The following TMEM232 variants were observed in gnomAD, a reference collection of about 807,000 sequenced individuals.
TMEM232 encodes the protein transmembrane protein 232.
TMEM232 carries 80 observed loss-of-function variants against 78.8 expected under a neutral mutation model. That is an observed-to-expected ratio of 1.01 (90% CI 0.85 to 1.22). The LOEUF (loss-of-function observed/expected upper bound fraction) is 1.22. Among genes scored for constraint, TMEM232 ranks in the 50% most tolerant of loss-of-function variants. The pLI is 0.00. For synonymous variants in TMEM232, 297 were observed against 254.3 expected, an observed-to-expected ratio of 1.17 and a Z score of -1.60; for missense variants, 881 against 742.2, an observed-to-expected ratio of 1.19 and a Z score of -2.17.
intron 1 of TMEM232, among the ~76,000 whole-genome samples, chr5:110,683,309 T>A (rs75159502): frequency 0.049 from 7,380 of 152,034 alleles, 356 homozygotes; most frequent in East Asian, 0.22. Flanking sequence ...TATAATAAAA[T>A]ACTGAAAGTA....
chr5:110,583,894 A>T (rs1006922908), intron 10 of TMEM232, among the ~76,000 whole-genome samples: 1 of 151,362 alleles, frequency 6.6e-6, no homozygotes, highest in African/African-American at 2.4e-5. Flanking sequence ...GCTCAATATC[A>T]CTAATTATCA....
At chr5:110,643,861 C>G (rs1177989330) in intron 2 of TMEM232, among the ~76,000 whole-genome samples, 1 of 151,902 alleles carries the variant, frequency 6.6e-6, no homozygotes, top group African/African-American at 2.4e-5. Context: ...AAACTGGAAT[C>G]AAATATAAGA....
intron 10 of TMEM232, among the ~76,000 whole-genome samples, chr5:110,573,030 T>A (rs116055671): frequency 3.4e-4 from 52 of 152,118 alleles, no homozygotes; most frequent in African/African-American, 1.2e-3. Context: ...AGAGAAAATA[T>A]GTCTGTGTCT....
At chr5:110,678,739 T>C (rs565279158) in intron 1 of TMEM232, among the ~76,000 whole-genome samples, 67 of 152,234 alleles carry the variant, frequency 4.4e-4, no homozygotes, top group African/African-American at 1.3e-3. Context: ...GTCTGTAGTT[T>C]TGCCTTTTCC....
intron 12 of TMEM232, among the ~76,000 whole-genome samples, chr5:110,443,079 G>A (rs1379311829): frequency 6.6e-6 from 1 of 152,130 alleles, no homozygotes; most frequent in African/African-American, 2.4e-5. Context: ...TGTAACCGCT[G>A]CCTGGCTACC....
intron 8 of TMEM232, among the ~76,000 whole-genome samples, chr5:110,617,678 G>A (rs532267816): frequency 3.4e-4 from 52 of 152,138 alleles, no homozygotes; most frequent in African/African-American, 1.2e-3. Context: ...ATTTTTGGCT[G>A]GGAGCAGTGG....
rs150360008 is a variant in TMEM232 at position 110,407,837 on chromosome 5, A to G, written n.309-9983T>C. Among the ~76,000 whole-genome samples, 210 of 152,286 alleles carry G rather than the reference A, an allele frequency of 1.4e-3. 4 individuals carry two copies. Among genetic ancestry groups the G allele is most frequent in the African/African-American group, 4.4e-3 (183 of 41,552 alleles). ...ATATCAAGTATTATCTCTGACCACA[A>G]TGGAATAAAATTAGCCATCAAAAAA... is the stretch of plus-strand genomic sequence containing the variant. On this transcript the variant is annotated intron_variant and non_coding_transcript_variant, in intron 2 of 8. Transcript: ENST00000507188.
chr5:110,518,429 C>T (rs538306605), intron 12 of TMEM232, among the ~76,000 whole-genome samples: 1 of 152,238 alleles, frequency 6.6e-6, no homozygotes, highest in African/African-American at 2.4e-5. Context: ...ACTCTACATT[C>T]CAATACCCAG....
intron 1 of TMEM232, among the ~76,000 whole-genome samples, chr5:110,710,942 G>T (rs796980349): frequency 6.6e-6 from 1 of 152,042 alleles, no homozygotes; most frequent in Non-Finnish European, 1.5e-5. Flanking sequence ...AAGAAACAAA[G>T]GGCATCCAAA....
At chr5:110,648,351 T>C (rs911952083) in intron 2 of TMEM232, among the ~76,000 whole-genome samples, 3 of 152,082 alleles carry the variant, frequency 2.0e-5, no homozygotes, top group Non-Finnish European at 4.4e-5. Flanking sequence ...GGATGTTTTC[T>C]ATCAAGATTC....
At chr5:110,598,508 T>C (rs1052935989) in intron 10 of TMEM232, among the ~76,000 whole-genome samples, 1 of 152,142 alleles carries the variant, frequency 6.6e-6, no homozygotes, top group Non-Finnish European at 1.5e-5. Flanking sequence ...ATCCCATTAC[T>C]GGATATATAC....
chr5:110,477,483 AATT>A (rs1306869153), intron 12 of TMEM232, among the ~76,000 whole-genome samples: 16 of 152,006 alleles, frequency 1.1e-4, no homozygotes, highest in East Asian at 9.6e-4. Context: ...AATTATATGT[AATT>A]ATTATGTTTT....
chr5:110,733,256 T>A (rs1798845082), intron 2 of TMEM232, among the ~76,000 whole-genome samples: 1 of 152,164 alleles, frequency 6.6e-6, no homozygotes, highest in African/African-American at 2.4e-5. Flanking sequence ...GAGTGTAAAT[T>A]AGTTCAACCA....
chr5:110,571,317 G>A (rs1306048803), intron 10 of TMEM232, among the ~76,000 whole-genome samples: 1 of 152,056 alleles, frequency 6.6e-6, no homozygotes, highest in Admixed American at 6.6e-5. Flanking sequence ...TAGGGAAGTA[G>A]GTAGAGAGAA....
chr5:110,422,153 T>C (rs1005701797), intron 13 of TMEM232, among the ~76,000 whole-genome samples: 1 of 152,190 alleles, frequency 6.6e-6, no homozygotes, highest in Non-Finnish European at 1.5e-5. Context: ...ATAGAAGTTA[T>C]AGTTGGTATA....
At chr5:110,552,054 G>A (rs1004142832) in intron 11 of TMEM232, among the ~76,000 whole-genome samples, 2 of 151,822 alleles carry the variant, frequency 1.3e-5, no homozygotes, top group African/African-American at 4.8e-5. Flanking sequence ...AAGAAATGAA[G>A]AATAAGATAA....
chr5:110,495,440 C>T (rs1765542036), intron 12 of TMEM232, among the ~76,000 whole-genome samples: 1 of 151,816 alleles, frequency 6.6e-6, no homozygotes, highest in Admixed American at 6.6e-5. Context: ...AACAGTTGAT[C>T]TATTTTAAAA....
chr5:110,696,746 TG>T (rs943817474), intron 1 of TMEM232, among the ~76,000 whole-genome samples: 3 of 151,780 alleles, frequency 2.0e-5, no homozygotes, highest in Non-Finnish European at 4.4e-5. Flanking sequence ...TTATAAGGGA[TG>T]GGAAGGACCT....
chr5:110,692,758 T>G (rs189347243), intron 1 of TMEM232, among the ~76,000 whole-genome samples: 1 of 151,968 alleles, frequency 6.6e-6, no homozygotes, highest in Non-Finnish European at 1.5e-5. Flanking sequence ...GGGGGAGGGG[T>G]GCCTGCCATT....
Sources: gnomAD v4.1 joint callset for allele counts (sites outside exome capture counted in the v4.1 genomes callset) on GRCh38, gnomAD v4.1.1 for gene constraint, MANE v1.5 for transcripts, NCBI Gene and HGNC (gene_info 2026-07-23, HGNC 2026-07-21) for gene names.